Variants in KMT2B observed in about 807,000 individuals in gnomAD.
KMT2B encodes histone-lysine N-methyltransferase 2B.
A neutral mutation model predicts 255.3 loss-of-function variants in KMT2B; 22 were observed. That is an observed-to-expected ratio of 0.09 (90% confidence interval 0.06 to 0.12). KMT2B has a LOEUF of 0.12. Ranked by LOEUF, KMT2B falls within the 10% of genes least tolerant of loss-of-function variation. KMT2B has a pLI of 1.00. For synonymous variants in KMT2B, 1,730 were observed against 1,498.1 expected (o/e 1.15, Z -3.57); for missense variants, 3,149 against 3,737.0 (o/e 0.84, Z 4.10).
intron 22 of KMT2B, 70 bp downstream of exon 22, chr19:35,729,366 C>G: frequency 6.6e-7 from 1 of 1,521,016 alleles, no homozygotes; most frequent in Non-Finnish European, 8.8e-7. Flanking sequence ...GTGCAAACAG[C>G]TCTTACTTCA....
At position 35,718,259 on chromosome 19, in the gene KMT2B, C is replaced by T; in HGVS notation, c.241C>T (p.Arg81Cys). ...GCTCCGCCGGGGCCTGCGCCGGCTC[C>T]GCCGCCTGTGGGCCGGCCCGCGGGT... ...LGLRRGLRRL[R>C]RLWAGPRVQR... Residue 81 changes from arginine (R) to cysteine (C), a missense_variant, in exon 1 of 37, where the codon CGC becomes TGC. Physicochemically the swap from Arg to Cys is radical, Grantham distance 180. Around this residue, in one of 18 missense-constraint regions of KMT2B, gnomAD observed 1,188 missense variants for 1,106.4 expected, o/e 1.07. Transcript: ENST00000420124. This position sits in a 1 kb window ranked among gnomAD's most constrained non-coding sequence, Gnocchi z 5.0. 2 of 1,208,814 alleles carry T rather than the reference C, an allele frequency of 1.7e-6. No individual in the cohort carries two copies. The highest frequency in any genetic ancestry group is 1.6e-5 in the African/African-American group (1 of 62,996). The allele number at this position is 1,208,814 out of a possible 1,614,324, so 74.9% of individuals were successfully genotyped here.
Position 35,730,017 on chromosome 19 carries a change from C to T in KMT2B, c.4968C>T (p.Ser1656=), listed in dbSNP as rs369065630. 7.4e-6 allele frequency: 12 copies of T among 1,613,764 alleles called. No homozygotes were observed. The highest frequency in any genetic ancestry group is 8.5e-6 in the Non-Finnish European group (10 of 1,179,840). Residue 1656 remains serine, a synonymous_variant, in exon 23 of 37, where the codon TCC becomes TCT. Transcript: ENST00000420124. ...GCGCCACGGTGGGCTGCTGCCTGTC[C>T]TCCTGCCTCAGCAACTTCCACTTCA... The part of the protein sequence containing the change: ...KPGATVGCCL[S]SCLSNFHFMC...
At chr19:35,719,341 T>C in intron 1 of KMT2B, 128 bp from the exon 2 acceptor site, 1 of 695,068 alleles carries the variant, frequency 1.4e-6, no homozygotes, top group Non-Finnish European at 2.4e-6. Context: ...TTTGAGTCTT[T>C]TTCGTTCTTT....
At chr19:35,728,498 G>A (rs543806701) in intron 19 of KMT2B, among the ~76,000 whole-genome samples, 16 of 194 alleles carry the variant, frequency 0.082, no homozygotes, top group African/African-American at 0.15. Context: ...GTGGGGGCCC[G>A]GAGGGGTACC....
chr19:35,730,158 C>T (rs935518695), intron 23 of KMT2B, 33 bp downstream of exon 23: 13 of 1,612,280 alleles, frequency 8.1e-6, no homozygotes, highest in Non-Finnish European at 1.1e-5. Context: ...ACGGTTCCTT[C>T]CCCACCTCTC....
Position 35,736,915 on chromosome 19 carries a change from C to T in KMT2B, c.7301C>T (p.Ala2434Val), listed in dbSNP as rs1190286476. The T allele has an allele frequency of 6.2e-7, 1 of 1,613,894 alleles. No homozygotes were observed. The highest frequency in any genetic ancestry group is 8.5e-7 in the Non-Finnish European group (1 of 1,179,850). ...FSVEAESLEG[A>V]WRTLIEKVQE... ...TCTGGCTCTGCTGTCTCCCCAGGGG[C>T]GTGGAGAACTCTGATCGAGAAAGTG... The change falls in exon 32 of 37, where the codon GCG becomes GTG. Residue 2434 changes from alanine (A) to valine (V), a missense_variant. Around this residue, in one of 18 missense-constraint regions of KMT2B, gnomAD observed 103 missense variants for 200.7 expected, o/e 0.51. Transcript: ENST00000420124.
At position 35,725,554 on chromosome 19, in the gene KMT2B, C is replaced by T. The variant is rs753269514; in HGVS notation, c.3718C>T (p.His1240Tyr). ...GGAGGCCGAGCGGCCCCTGCCCCAG[C>T]ATCACGACACCTGGTGCTGCCGTCG... is the stretch of plus-strand genomic sequence containing the variant. ...LEEAERPLPQ[H>Y]HDTWCCRRCK... The change falls in exon 12 of 37, where the codon CAT becomes TAT. Residue 1240 changes from histidine to tyrosine, a missense_variant. By Grantham distance (83) the His-to-Tyr change is moderately conservative. Around this residue, in one of 18 missense-constraint regions of KMT2B, gnomAD observed 42 missense variants for 121.0 expected, o/e 0.35. Coordinates refer to ENST00000420124, the MANE Select transcript of KMT2B (RefSeq NM_014727.3). This position sits in a 1 kb window ranked among gnomAD's most constrained non-coding sequence, Gnocchi z 4.1. The T allele has an allele frequency of 6.2e-7, 1 of 1,610,918 alleles. No homozygotes were observed. The highest frequency in any genetic ancestry group is 1.1e-5 in the South Asian group (1 of 91,090).
Position 35,727,369 on chromosome 19 carries a change from G to A in KMT2B, c.4118-69G>A, listed in dbSNP as rs1339565350. The A allele has an allele frequency of 6.9e-6, 11 of 1,591,780 alleles. No individual in the cohort carries two copies. The East Asian group carries it at 2.2e-4, about 32-fold the overall frequency. ...ACTGGTGGGCTAAGGGTCCTTGCTG[G>A]CCTAGGGGCTGCTGGGAGCCCTCAC... On this transcript the variant is annotated intron_variant, in intron 15 of 36. Transcript: ENST00000420124. The surrounding 1 kb of genome is among the most constrained non-coding windows in gnomAD (Gnocchi z 4.2).
Position 35,730,781 on chromosome 19 carries a change from G to T in KMT2B, c.5351G>T (p.Arg1784Leu), listed in dbSNP as rs754543672. ...CWYRCRILEY[R>L]PWGPREEPAH... Reference sequence around the variant, plus strand: ...TATCGGTGCCGAATTCTGGAGTATCGGCCATGGGGGCCGAGGGAAGAGCCA... The same window carrying T: ...TATCGGTGCCGAATTCTGGAGTATCTGCCATGGGGGCCGAGGGAAGAGCCA... The change falls in exon 26 of 37, where the codon CGG becomes CTG. Residue 1784 changes from arginine to leucine, a missense_variant. Around this residue, in one of 18 missense-constraint regions of KMT2B, gnomAD observed 34 missense variants for 51.6 expected, o/e 0.66. Coordinates refer to ENST00000420124, the MANE Select transcript of KMT2B (RefSeq NM_014727.3). The T allele has an allele frequency of 6.2e-7, 1 of 1,613,770 alleles. No homozygotes were observed. Among genetic ancestry groups the T allele is most frequent in the Non-Finnish European group, 8.5e-7 (1 of 1,179,868 alleles).
rs533922071 is a variant in KMT2B at position 35,720,725 on chromosome 19, G to C, written c.1378G>C (p.Val460Leu). Residue 460 changes from valine (V) to leucine (L), a missense_variant, in exon 3 of 37, where the codon GTG (valine) becomes CTG (leucine). This residue lies in a region of KMT2B where 1,188 missense variants were observed against 1,106.4 expected (regional missense o/e 1.07). Transcript: ENST00000420124. The stretch of plus-strand genomic sequence containing the variant: ...GGAGCAGGAGGAATCCCCTCCTCCT[G>C]TGGTCCCAGCTACGTGCTCCAGGAA... ...QEEQEESPPPVVPATCSRKRG... is the reference protein window; with the variant it reads ...QEEQEESPPPLVPATCSRKRG... 4 of 1,473,924 alleles carry C rather than the reference G, an allele frequency of 2.7e-6. No individual in the cohort carries two copies. The highest frequency in any genetic ancestry group is 1.8e-4 in the Middle Eastern group (1 of 5,590). 91.3% of individuals were successfully genotyped at this position (1,473,924 alleles called of 1,614,324 possible). A position where few individuals can be genotyped will look rare whatever the true frequency, so the allele number is the denominator to read the frequency against.
Position 35,723,858 on chromosome 19 carries a change from C to G in KMT2B, c.3185C>G (p.Pro1062Arg). 6.2e-7 allele frequency: 1 copy of G among 1,606,156 alleles called. No homozygotes were observed. The highest frequency in any genetic ancestry group is 2.2e-5 in the East Asian group (1 of 44,588). The stretch of plus-strand genomic sequence containing the variant: ...CCCCGGGAGGAGGTGGTGGCCCACC[C>G]AGGGCCCGAGGAGCAGGACTCCCTC... ...GGPREEVVAH[P>R]GPEEQDSLLQ... Residue 1062 changes from proline to arginine, a missense_variant, in exon 8 of 37, where the codon CCA becomes CGA. This residue lies in a region of KMT2B where 136 missense variants were observed against 137.3 expected (regional missense o/e 0.99). Transcript: ENST00000420124. This position sits in a 1 kb window ranked among gnomAD's most constrained non-coding sequence, Gnocchi z 7.5.
In KMT2B at chr19:35,724,632, C is replaced by T. The variant is rs1204715610; in HGVS notation, c.3335-5C>T. Reference sequence around the variant, plus strand: ...TGACCTCACTGCTCATTGTGTCCTGCCTAGAGCTGCCACTGCCAGAACCTG... The same window carrying T: ...TGACCTCACTGCTCATTGTGTCCTGTCTAGAGCTGCCACTGCCAGAACCTG... On this transcript the variant is annotated splice_polypyrimidine_tract_variant and splice_region_variant and intron_variant, in intron 8 of 36. Transcript: ENST00000420124. The T allele has an allele frequency of 6.3e-7, 1 of 1,585,142 alleles. No homozygotes were observed. Among genetic ancestry groups the T allele is most frequent in the Non-Finnish European group, 8.6e-7 (1 of 1,167,744 alleles).
chr19:35,720,433 T>A lies in KMT2B; in HGVS notation c.1086T>A (p.Asp362Glu). The A allele has an allele frequency of 1.3e-6, 2 of 1,555,788 alleles. No individual in the cohort carries two copies. The highest frequency in any genetic ancestry group is 1.7e-6 in the Non-Finnish European group (2 of 1,149,422). The change falls in exon 3 of 37, where the codon GAT becomes GAA. Residue 362 changes from aspartate (D) to glutamate (E), a missense_variant. Asp to Glu is a conservative substitution (Grantham distance 45). Around this residue, in one of 18 missense-constraint regions of KMT2B, gnomAD observed 1,188 missense variants for 1,106.4 expected, o/e 1.07. Coordinates refer to ENST00000420124, the MANE Select transcript of KMT2B (RefSeq NM_014727.3). Reference protein sequence around the residue: ...PCWKKQEQKLDDEEEEKKEEE... With the variant: ...PCWKKQEQKLEDEEEEKKEEE... ...GGAAAAAGCAGGAACAGAAGCTGGA[T>A]GACGAGGAAGAAGAGAAGAAAGAAG... is the stretch of plus-strand genomic sequence containing the variant.
intron 2 of KMT2B, 79 bp from the exon 3 acceptor site, chr19:35,719,705 A>G: frequency 6.5e-7 from 1 of 1,531,298 alleles, no homozygotes; most frequent in Non-Finnish European, 8.8e-7. Context: ...AGCAAGACTT[A>G]GTCCCTGCCC....
rs1357583062 is a variant in KMT2B, at chr19:35,727,233, G to A, written c.4081G>A (p.Asp1361Asn). ...CAAGATGATGCAGTGCGCACAGTGC[G>A]ATCACTGGGTGCATGCCAAGTGCGA... is the stretch of plus-strand genomic sequence containing the variant. ...ESKMMQCAQC[D>N]HWVHAKCEGL... Residue 1361 changes from aspartate to asparagine, a missense_variant, in exon 15 of 37, where the codon GAT becomes AAT. Physicochemically the swap from Asp to Asn is conservative, Grantham distance 23. Coordinates refer to ENST00000420124, the MANE Select transcript of KMT2B (RefSeq NM_014727.3). This position sits in a 1 kb window ranked among gnomAD's most constrained non-coding sequence, Gnocchi z 4.2. 6 of 1,613,220 alleles carry A rather than the reference G, an allele frequency of 3.7e-6. No homozygotes were observed. The highest frequency in any genetic ancestry group is 2.7e-5 in the African/African-American group (2 of 74,896).
intron 9 of KMT2B, 59 bp from the exon 10 acceptor site, chr19:35,724,930 G>A: frequency 7.8e-7 from 1 of 1,288,374 alleles, no homozygotes; most frequent in Non-Finnish European, 1.1e-6. Context: ...GCGGTGAGGA[G>A]AGGAGTCTGC....
In KMT2B at chr19:35,719,719, T is replaced by C. The variant is rs141335623; in HGVS notation, c.437-65T>C. On this transcript the variant is annotated intron_variant, in intron 2 of 36. Coordinates refer to ENST00000420124, the MANE Select transcript of KMT2B (RefSeq NM_014727.3). ...AAGCAAGACTTAGTCCCTGCCCTCC[T>C]GGAGCGCCTTCCTCTGTGTGTAGGG... The C allele has an allele frequency of 5.7e-5, 88 of 1,533,736 alleles. No individual in the cohort carries two copies. The African/African-American group carries it at 1.1e-3, about 19-fold the overall frequency.
At position 35,725,444 on chromosome 19, in the gene KMT2B, T is replaced by A. The variant is rs1365044853; in HGVS notation, c.3643-35T>A. On this transcript the variant is annotated intron_variant, in intron 11 of 36. Transcript: ENST00000420124. The surrounding 1 kb of genome is among the most constrained non-coding windows in gnomAD (Gnocchi z 4.1). ...ATCCCTTGGCCCTCTGGCCTCATGC[T>A]ATGCCCATCATTCACTCCTTTACCC... The A allele has an allele frequency of 6.2e-7, 1 of 1,606,544 alleles. No individual in the cohort carries two copies. The highest frequency in any genetic ancestry group is 2.2e-5 in the East Asian group (1 of 44,840).
chr19:35,733,045 C>G lies in KMT2B; in HGVS notation c.6496C>G (p.Leu2166Val). The change falls in exon 28 of 37, where the codon CTC (leucine) becomes GTC (valine). Residue 2166 changes from leucine (L) to valine (V), a missense_variant. Physicochemically the swap from Leu to Val is conservative, Grantham distance 32. This residue lies in a region of KMT2B where 897 missense variants were observed against 825.3 expected (regional missense o/e 1.09). Transcript: ENST00000420124. The surrounding 1 kb of genome is among the most constrained non-coding windows in gnomAD (Gnocchi z 4.3). ...TGACCCCACCCGCACATTTGCCTGG[C>G]TCCCAGGGGCCCCAGGGGTCCGGGT... ...PADPTRTFAW[L>V]PGAPGVRVLS... 3.2e-6 allele frequency: 5 copies of G among 1,585,906 alleles called. No individual in the cohort carries two copies. Among genetic ancestry groups the G allele is most frequent in the Non-Finnish European group, 4.3e-6 (5 of 1,166,138 alleles).
Sources: allele counts gnomAD v4.1 joint callset (sites outside exome capture counted in the v4.1 genomes callset), GRCh38; gene constraint gnomAD v4.1.1; regional missense constraint gnomAD v4.1.1; non-coding constraint Gnocchi (gnomAD v3.1); transcripts MANE v1.5; gene names NCBI Gene and HGNC (gene_info 2026-07-23, HGNC 2026-07-21).